The following NTRK2 variants were observed in gnomAD, a reference collection of about 807,000 sequenced individuals.
NTRK2 encodes BDNF/NT-3 growth factors receptor.
NTRK2 carries 13 observed loss-of-function variants against 94.5 expected under a neutral mutation model. The ratio of observed to expected loss-of-function variants is 0.14; its 90% confidence interval spans 0.09 to 0.22. NTRK2 has a LOEUF of 0.22. NTRK2 is among the 10% of genes least tolerant of loss of function. The pLI is 1.00. For missense variants in NTRK2, 639 were observed against 1,071.2 expected (o/e 0.60, Z 5.63); for synonymous variants, 372 against 407.4 (o/e 0.91, Z 1.05).
At chr9:84,778,225 T>C (rs1157383937) in intron 12 of NTRK2, among the ~76,000 whole-genome samples, 1 of 152,176 alleles carries the variant, frequency 6.6e-6, no homozygotes, top group African/African-American at 2.4e-5. Context: ...ATCATACCAC[T>C]GTACTCCATC....
intron 14 of NTRK2, among the ~76,000 whole-genome samples, chr9:84,914,348 T>C (rs1049521689): frequency 2.0e-5 from 3 of 152,260 alleles, no homozygotes; most frequent in Admixed American, 6.5e-5. Flanking sequence ...ATTGTTCTTT[T>C]TAAACTTCAG....
chr9:84,747,613 G>A (rs990770572), intron 11 of NTRK2, among the ~76,000 whole-genome samples: 2 of 151,900 alleles, frequency 1.3e-5, no homozygotes, highest in Admixed American at 1.3e-4. Flanking sequence ...GAGTAGCTGG[G>A]ACTACAGCCA....
chr9:84,834,095 G>A (rs2073732774), intron 12 of NTRK2, among the ~76,000 whole-genome samples: 1 of 152,022 alleles, frequency 6.6e-6, no homozygotes, highest in South Asian at 2.1e-4. Context: ...TGGAGAGGTG[G>A]GCATTTTCAT....
intron 2 of NTRK2, among the ~76,000 whole-genome samples, chr9:84,693,416 G>A (rs903415112): frequency 2.6e-5 from 4 of 152,112 alleles, no homozygotes; most frequent in African/African-American, 9.7e-5. Context: ...CACCATATTG[G>A]TGGGAACAGA....
intron 17 of NTRK2, among the ~76,000 whole-genome samples, chr9:85,018,320 A>T (rs998589250): frequency 9.2e-5 from 14 of 152,188 alleles, no homozygotes; most frequent in African/African-American, 3.4e-4. Flanking sequence ...AATGGCAAGG[A>T]GACTAGAGAT....
In NTRK2 at chr9:85,026,608, C is replaced by A. The variant is rs749249698; in HGVS notation, c.*5171C>A. On this transcript the variant is annotated 3_prime_UTR_variant, in exon 19 of 19. Coordinates refer to ENST00000277120, the MANE Select transcript of NTRK2 (RefSeq NM_006180.6). ...AATTATGGTGAACTATTGCTCCCTG[C>A]GTTCTTTGATCATTACCTATGACTT... 3 of 232,720 alleles carry A rather than the reference C, an allele frequency of 1.3e-5. No homozygotes were observed. The highest frequency in any genetic ancestry group is 6.1e-5 in the East Asian group (1 of 16,520). The allele number at this position is 232,720 out of a possible 1,614,324, so 14.4% of individuals were successfully genotyped here.
intron 14 of NTRK2, among the ~76,000 whole-genome samples, chr9:84,893,162 C>A (rs1221520073): frequency 6.6e-6 from 1 of 152,166 alleles, no homozygotes; most frequent in Non-Finnish European, 1.5e-5. Flanking sequence ...AAGGTCTCTC[C>A]TATGTCTTTC....
chr9:84,710,031 G>T (rs2061339472), intron 5 of NTRK2, among the ~76,000 whole-genome samples: 1 of 148,162 alleles, frequency 6.7e-6, no homozygotes, highest in Admixed American at 6.8e-5. Flanking sequence ...TTCCTTTCAG[G>T]TTCTCTCTCT....
At chr9:84,816,859 T>C (rs2072452761) in intron 12 of NTRK2, among the ~76,000 whole-genome samples, 2 of 151,568 alleles carry the variant, frequency 1.3e-5, no homozygotes, top group Non-Finnish European at 2.9e-5. Context: ...AACTCCCTTC[T>C]CCATTTGTTG....
At chr9:84,760,876 G>T (rs2065504237) in intron 12 of NTRK2, among the ~76,000 whole-genome samples, 2 of 152,210 alleles carry the variant, frequency 1.3e-5, no homozygotes, top group African/African-American at 2.4e-5. Flanking sequence ...CTGCTAAAGT[G>T]ATTTATTTTA....
At chr9:84,806,867 G>A (rs1022838856) in intron 12 of NTRK2, among the ~76,000 whole-genome samples, 8 of 152,232 alleles carry the variant, frequency 5.3e-5, no homozygotes, top group Non-Finnish European at 1.5e-5. Context: ...GAACATAGGA[G>A]TTTATTATTT....
intron 14 of NTRK2, among the ~76,000 whole-genome samples, chr9:84,903,009 C>T (rs1021594853): frequency 6.6e-6 from 1 of 152,162 alleles, no homozygotes; most frequent in Non-Finnish European, 1.5e-5. Context: ...CCTAGCCTGC[C>T]TCATTATAGT....
At chr9:84,703,005 G>A (rs1000652869) in intron 4 of NTRK2, among the ~76,000 whole-genome samples, 11 of 152,188 alleles carry the variant, frequency 7.2e-5, no homozygotes, top group African/African-American at 2.2e-4. Context: ...GAAGTCAAAC[G>A]GAAATATGGA....
intron 14 of NTRK2, chr9:84,874,266 C>CA: frequency 9.4e-7 from 1 of 1,065,538 alleles, no homozygotes; most frequent in Non-Finnish European, 1.1e-6. Context: ...GTGCTTTGAA[C>CA]AATTGAGTGC....
At chr9:85,020,647 C>T (rs182098414) in intron 18 of NTRK2, among the ~76,000 whole-genome samples, 23 of 152,276 alleles carry the variant, frequency 1.5e-4, no homozygotes, top group African/African-American at 4.8e-4. Flanking sequence ...TAATAGCAGA[C>T]GTAGCATTCC....
chr9:84,785,621 T>G (rs1449062200), intron 12 of NTRK2, among the ~76,000 whole-genome samples: 1 of 152,196 alleles, frequency 6.6e-6, no homozygotes, highest in Admixed American at 6.5e-5. Flanking sequence ...ATGGAGGAAT[T>G]AGTTTCAAGT....
chr9:84,964,759 G>A (rs946867660), intron 17 of NTRK2, among the ~76,000 whole-genome samples: 1 of 152,156 alleles, frequency 6.6e-6, no homozygotes, highest in Non-Finnish European at 1.5e-5. Context: ...CTGTTGTCTA[G>A]TATGAAAACA....
At chr9:84,882,473 G>C (rs890780408) in intron 14 of NTRK2, among the ~76,000 whole-genome samples, 9 of 152,348 alleles carry the variant, frequency 5.9e-5, no homozygotes, top group Middle Eastern at 3.4e-3. Context: ...AGGTGATTTG[G>C]AAGGTGATGG....
At chr9:84,952,657 A>G (rs1172825149) in intron 16 of NTRK2, among the ~76,000 whole-genome samples, 1 of 152,162 alleles carries the variant, frequency 6.6e-6, no homozygotes, top group Non-Finnish European at 1.5e-5. Context: ...CCAGAGGCTT[A>G]TTTTATTTAA....
Sources: gnomAD v4.1 joint callset for allele counts (sites outside exome capture counted in the v4.1 genomes callset) on GRCh38, gnomAD v4.1.1 for gene constraint, MANE v1.5 for transcripts, NCBI Gene and HGNC (gene_info 2026-07-23, HGNC 2026-07-21) for gene names.